Variants in AGMO observed in about 807,000 individuals in gnomAD.
AGMO encodes glyceryl-ether monooxygenase.
A neutral mutation model predicts 60.2 loss-of-function variants in AGMO; 75 were observed. The ratio of observed to expected loss-of-function variants is 1.25; its 90% CI spans 1.03 to 1.51. AGMO has a LOEUF of 1.51. AGMO is among the 40% of genes most tolerant of loss of function. AGMO has a pLI of 0.00. For synonymous variants in AGMO, 261 were observed against 177.1 expected (o/e 1.47, Z -3.76); for missense variants, 763 against 525.5 (o/e 1.45, Z -4.42).
At chr7:15,336,510 G>A (rs1230219908) in intron 12 of AGMO, among the ~76,000 whole-genome samples, 2 of 152,048 alleles carry the variant, frequency 1.3e-5, no homozygotes, top group East Asian at 1.9e-4. Flanking sequence ...ACTAATTCAT[G>A]TAGAAGGACT....
intron 10 of AGMO, among the ~76,000 whole-genome samples, chr7:15,380,432 A>G (rs1226090401): frequency 6.6e-6 from 1 of 152,140 alleles, no homozygotes; most frequent in Non-Finnish European, 1.5e-5. Flanking sequence ...ATAATAAAAT[A>G]CCTAGTGATA....
chr7:15,354,508 A>G (rs865876313), intron 12 of AGMO, among the ~76,000 whole-genome samples: 1,402 of 66,160 alleles, frequency 0.021, 135 homozygotes, highest in Non-Finnish European at 0.025. Flanking sequence ...ATATATATAT[A>G]TATATATATA....
the AGMO span, among the ~76,000 whole-genome samples, chr7:15,147,442 A>C: frequency 6.6e-6 from 1 of 151,940 alleles, no homozygotes; most frequent in African/African-American, 2.4e-5. Context: ...ACTCCTCTTC[A>C]TAAAACCATT....
intron 12 of AGMO, among the ~76,000 whole-genome samples, chr7:15,361,813 G>A (rs1300855332): frequency 1.3e-5 from 2 of 151,972 alleles, no homozygotes; most frequent in African/African-American, 4.8e-5. Context: ...AAATAATGTA[G>A]GAAGACTATT....
At chr7:15,473,744 T>C (rs186539788) in intron 3 of AGMO, among the ~76,000 whole-genome samples, 1 of 152,192 alleles carries the variant, frequency 6.6e-6, no homozygotes, top group African/African-American at 2.4e-5. Context: ...ATAAATGGTA[T>C]TCAAATAGGA....
intron 12 of AGMO, among the ~76,000 whole-genome samples, chr7:15,252,579 C>A (rs912510053): frequency 5.3e-5 from 8 of 152,168 alleles, no homozygotes; most frequent in Admixed American, 4.6e-4. Context: ...CTGAATGACA[C>A]TGAACACCAC....
intron 10 of AGMO, among the ~76,000 whole-genome samples, chr7:15,376,937 C>G (rs1783480545): frequency 6.6e-6 from 1 of 151,454 alleles, no homozygotes; most frequent in East Asian, 1.9e-4. Context: ...CATCAAATTG[C>G]TCTCTTGACT....
At chr7:15,160,354 T>C in the AGMO span, among the ~76,000 whole-genome samples, 1 of 152,176 alleles carries the variant, frequency 6.6e-6, no homozygotes. Flanking sequence ...GTAACTTTGA[T>C]AGTAAATTTT....
chr7:15,292,419 A>G (rs1044752672), intron 12 of AGMO, among the ~76,000 whole-genome samples: 1 of 152,172 alleles, frequency 6.6e-6, no homozygotes, highest in Non-Finnish European at 1.5e-5. Context: ...GGGTGATAAG[A>G]GCAAGGAAAA....
chr7:15,385,607 T>G (rs1412734683), intron 9 of AGMO, 45 bp from the exon 10 acceptor site: 1 of 1,091,772 alleles, frequency 9.2e-7, no homozygotes, highest in Non-Finnish European at 1.4e-6. Context: ...CCAGACTCAT[T>G]TTTCTTACTG....
chr7:15,512,397 C>A (rs1221847615), intron 3 of AGMO, among the ~76,000 whole-genome samples: 3 of 152,130 alleles, frequency 2.0e-5, no homozygotes, highest in Non-Finnish European at 4.4e-5. Context: ...GGACCACAGG[C>A]GAATACCACC....
At chr7:15,466,559 A>T (rs1782295366) in intron 3 of AGMO, among the ~76,000 whole-genome samples, 1 of 152,128 alleles carries the variant, frequency 6.6e-6, no homozygotes, top group African/African-American at 2.4e-5. Flanking sequence ...TTATAAATGG[A>T]CATGCAGCAT....
chr7:15,349,080 A>T (rs190412494), intron 12 of AGMO, among the ~76,000 whole-genome samples: 18 of 152,274 alleles, frequency 1.2e-4, no homozygotes, highest in African/African-American at 4.1e-4. Context: ...ACAACATGGA[A>T]GGAATATATA....
chr7:15,430,604 A>T (rs79473782), intron 4 of AGMO, among the ~76,000 whole-genome samples: 28,763 of 100,448 alleles, frequency 0.29, 3,168 homozygotes, highest in African/African-American at 0.38. Flanking sequence ...TGTTTTTTTT[A>T]AAAAAAAAAA....
intron 3 of AGMO, among the ~76,000 whole-genome samples, chr7:15,512,453 C>G (rs113729827): frequency 0.015 from 2,303 of 152,118 alleles, 59 homozygotes; most frequent in African/African-American, 0.052. Context: ...GGGTTTCATC[C>G]TGTTGCCCAG....
chr7:15,559,840 A>G (rs566718155), intron 2 of AGMO, among the ~76,000 whole-genome samples: 1 of 152,202 alleles, frequency 6.6e-6, no homozygotes, highest in East Asian at 1.9e-4. Flanking sequence ...AAGAGACAAA[A>G]CACAATTTTA....
chr7:15,406,618 C>CAT (rs139175059), intron 5 of AGMO, among the ~76,000 whole-genome samples: 5,229 of 53,988 alleles, frequency 0.097, 1,326 homozygotes, highest in Middle Eastern at 0.17. Flanking sequence ...CACATGTACA[C>CAT]ATGTGTGTAT....
At chr7:15,398,046 G>A (rs765707560) in intron 5 of AGMO, among the ~76,000 whole-genome samples, 1 of 152,198 alleles carries the variant, frequency 6.6e-6, no homozygotes, top group African/African-American at 2.4e-5. Flanking sequence ...ATCTATGACA[G>A]AGAACCAGAT....
chr7:15,254,202 T>G (rs1346598132), intron 12 of AGMO, among the ~76,000 whole-genome samples: 1 of 152,154 alleles, frequency 6.6e-6, no homozygotes, highest in Non-Finnish European at 1.5e-5. Flanking sequence ...TTCGTGAGAG[T>G]GCAGATGTCT....
Sources: gnomAD v4.1 joint callset for allele counts (sites outside exome capture counted in the v4.1 genomes callset) on GRCh38, gnomAD v4.1.1 for gene constraint, MANE v1.5 for transcripts, NCBI Gene and HGNC (gene_info 2026-07-23, HGNC 2026-07-21) for gene names.